Variants in PTPRN2 observed in about 807,000 individuals in gnomAD.
The protein encoded by PTPRN2 is receptor-type tyrosine-protein phosphatase N2.
A neutral mutation model predicts 118.8 loss-of-function variants in PTPRN2; 74 were observed. The ratio of observed to expected loss-of-function variants is 0.62; its 90% CI spans 0.52 to 0.76. The LOEUF (loss-of-function observed/expected upper bound fraction) is 0.76, where lower values mean the gene tolerates loss of function less well. Among genes scored for constraint, PTPRN2 ranks in the 30% least tolerant of loss-of-function variants. PTPRN2 has a pLI of 0.00. For missense variants in PTPRN2, 1,481 were observed against 1,394.4 expected (o/e 1.06, Z -0.99); for synonymous variants, 641 against 608.0 (o/e 1.05, Z -0.80).
Position 157,639,840 on chromosome 7 carries a change from G to A in PTPRN2, c.2196+16517C>T, listed in dbSNP as rs34485707. ...ACAGGAATCTCGTCTGTCACCATAT[G>A]GACTCAAAATGGGAAGACGCTTGAA... On this transcript the variant is annotated intron_variant, in intron 14 of 22. Transcript: ENST00000389418. Among the ~76,000 whole-genome samples, 999 of 152,326 alleles carry A rather than the reference G, an allele frequency of 6.6e-3. 8 individuals are homozygous for A. Among genetic ancestry groups the A allele is most frequent in the Non-Finnish European group, 0.012 (796 of 68,036 alleles).
intron 2 of PTPRN2, among the ~76,000 whole-genome samples, chr7:158,322,770 G>A (rs918708062): frequency 4.6e-5 from 7 of 152,272 alleles, no homozygotes; most frequent in Non-Finnish European, 8.8e-5. Context: ...AGGAGCTAGA[G>A]GAGGCCACCT....
intron 14 of PTPRN2, among the ~76,000 whole-genome samples, chr7:157,631,726 G>T (rs925414949): frequency 1.3e-5 from 2 of 152,190 alleles, no homozygotes; most frequent in Admixed American, 1.3e-4. Context: ...CAGCTACACA[G>T]GAGGCTGAGG....
intron 12 of PTPRN2, among the ~76,000 whole-genome samples, chr7:157,701,748 G>A (rs540534138): frequency 1.1e-4 from 16 of 150,666 alleles, no homozygotes; most frequent in East Asian, 2.0e-4. Context: ...TAAGAGAGCC[G>A]GGTCAATGCT....
chr7:158,022,284 C>T lies in PTPRN2; in HGVS notation c.1723+59014G>A, dbSNP rs186963329. On this transcript the variant is annotated intron_variant, in intron 11 of 22. Transcript: ENST00000389418. The surrounding 1 kb of genome is among the most constrained non-coding windows in gnomAD (Gnocchi z 4.6). The stretch of plus-strand genomic sequence containing the variant: ...CAGCATGATGACTCCGTTTCCTACA[C>T]GGTTCCGAGCGTTTTCCATCCTTCC... Among the ~76,000 whole-genome samples the T allele has an allele frequency of 3.3e-5, 5 of 152,328 alleles. No individual in the cohort carries two copies. The highest frequency in any genetic ancestry group is 2.1e-4 in the South Asian group (1 of 4,820).
At chr7:157,649,747 C>T (rs1400911872) in intron 14 of PTPRN2, among the ~76,000 whole-genome samples, 2 of 149,436 alleles carry the variant, frequency 1.3e-5, no homozygotes, top group African/African-American at 4.9e-5. Flanking sequence ...GCACTGAACT[C>T]GGTGGGTCAG....
chr7:157,700,988 TCA>T (rs921237028), intron 12 of PTPRN2, among the ~76,000 whole-genome samples: 5 of 152,204 alleles, frequency 3.3e-5, no homozygotes, highest in African/African-American at 1.2e-4. Context: ...GCACTGTCTC[TCA>T]CACACGCACG....
chr7:158,052,808 C>T (rs187590503), intron 11 of PTPRN2, among the ~76,000 whole-genome samples: 63 of 152,284 alleles, frequency 4.1e-4, no homozygotes, highest in Admixed American at 1.6e-3. Flanking sequence ...CTTTTGGAGA[C>T]ACCTGGCCAC....
chr7:157,844,066 G>A (rs1808623666), intron 12 of PTPRN2, among the ~76,000 whole-genome samples: 1 of 151,616 alleles, frequency 6.6e-6, no homozygotes, highest in African/African-American at 2.4e-5. Context: ...GTGGAACGCA[G>A]GCCCCTCCAC....
intron 2 of PTPRN2, among the ~76,000 whole-genome samples, chr7:158,336,828 T>G (rs1586347903): frequency 2.4e-5 from 2 of 84,870 alleles, no homozygotes; most frequent in Admixed American, 1.2e-4. Flanking sequence ...AAGTGACACC[T>G]GCAGACGTCA....
intron 9 of PTPRN2, among the ~76,000 whole-genome samples, chr7:158,128,944 CAA>C (rs549871561): frequency 1.4e-3 from 215 of 150,564 alleles, no homozygotes; most frequent in African/African-American, 5.1e-3. Context: ...CACAGGCAAC[CAA>C]ACACACACAC....
intron 1 of PTPRN2, among the ~76,000 whole-genome samples, chr7:158,543,858 G>C (rs1247128222): frequency 1.3e-5 from 2 of 152,214 alleles, no homozygotes; most frequent in Non-Finnish European, 2.9e-5. Context: ...ACAAGGAAAG[G>C]GGTCAGCCTC....
At chr7:157,963,268 G>A (rs1801672939) in intron 11 of PTPRN2, among the ~76,000 whole-genome samples, 1 of 152,242 alleles carries the variant, frequency 6.6e-6, no homozygotes, top group Non-Finnish European at 1.5e-5. Flanking sequence ...TAGCGGGCTG[G>A]GGGTGTTTAA....
At chr7:158,416,196 T>G (rs1224753388) in intron 2 of PTPRN2, among the ~76,000 whole-genome samples, 1 of 152,202 alleles carries the variant, frequency 6.6e-6, no homozygotes, top group Non-Finnish European at 1.5e-5. Context: ...AAGGTCCACT[T>G]TGGGGCCCAG....
chr7:157,901,712 C>T (rs530411096), intron 11 of PTPRN2, among the ~76,000 whole-genome samples: 1 of 93,062 alleles, frequency 1.1e-5, no homozygotes, highest in Admixed American at 1.1e-4. Context: ...GGGGCCTTCC[C>T]GTCCGTGTTT....
intron 3 of PTPRN2, among the ~76,000 whole-genome samples, chr7:158,296,715 A>C (rs1217165882): frequency 6.6e-6 from 1 of 151,708 alleles, no homozygotes. Context: ...GAAGCAACCC[A>C]CTCCTCCATC....
intron 12 of PTPRN2, among the ~76,000 whole-genome samples, chr7:157,805,934 C>T (rs572847365): frequency 2.6e-5 from 4 of 152,292 alleles, no homozygotes; most frequent in Admixed American, 6.5e-5. Flanking sequence ...TCCACACACA[C>T]CGTGGCTGTG....
At chr7:157,936,034 G>T (rs1799679856) in intron 11 of PTPRN2, among the ~76,000 whole-genome samples, 1 of 152,032 alleles carries the variant, frequency 6.6e-6, no homozygotes, top group African/African-American at 2.4e-5. Flanking sequence ...CCCTCAGGGG[G>T]GTCTAGCCAT....
chr7:158,328,060 T>A (rs1239549564), intron 2 of PTPRN2, among the ~76,000 whole-genome samples: 1 of 152,236 alleles, frequency 6.6e-6, no homozygotes, highest in Non-Finnish European at 1.5e-5. Context: ...TTATCTGAAC[T>A]GATCAAGCAC....
At chr7:158,377,491 A>ACAC (rs1810631426) in intron 2 of PTPRN2, among the ~76,000 whole-genome samples, 1 of 152,216 alleles carries the variant, frequency 6.6e-6, no homozygotes, top group Non-Finnish European at 1.5e-5. Flanking sequence ...CCCCACTTGG[A>ACAC]CACCACCACG....
Sources: gnomAD v4.1 joint callset for allele counts (sites outside exome capture counted in the v4.1 genomes callset) on GRCh38, gnomAD v4.1.1 for gene constraint, Gnocchi (gnomAD v3.1) non-coding constraint, MANE v1.5 for transcripts, NCBI Gene and HGNC (gene_info 2026-07-23, HGNC 2026-07-21) for gene names.